The following KATNAL2 variants were observed in gnomAD, a reference collection of about 807,000 sequenced individuals.
The protein encoded by KATNAL2 is katanin p60 ATPase-containing subunit A-like 2.
KATNAL2 carries 52 observed loss-of-function variants against 76.3 expected under a neutral mutation model. That is an observed-to-expected ratio of 0.68 (90% CI 0.55 to 0.86). KATNAL2 has a LOEUF of 0.86. Ranked by LOEUF, KATNAL2 falls within the 40% of genes least tolerant of loss-of-function variation. The pLI, the probability that KATNAL2 is intolerant of heterozygous loss-of-function variation, is 0.00. For missense variants in KATNAL2, 660 were observed against 668.9 expected, an observed-to-expected ratio of 0.99 and a Z score of 0.15; for synonymous variants, 243 against 244.2, an observed-to-expected ratio of 1.00 and a Z score of 0.05.
chr18:47,079,004 G>A (rs1052755262), intron 15 of KATNAL2, among the ~76,000 whole-genome samples: 1 of 152,012 alleles, frequency 6.6e-6, no homozygotes, highest in East Asian at 1.9e-4. Flanking sequence ...GTTTTATTAT[G>A]AAAAATTCCC....
intron 15 of KATNAL2, among the ~76,000 whole-genome samples, chr18:47,095,271 C>A (rs561250774): frequency 1.3e-5 from 2 of 152,322 alleles, no homozygotes; most frequent in South Asian, 4.1e-4. Flanking sequence ...AGTTCATCAA[C>A]AATGAAGTGT....
intron 3 of KATNAL2, chr18:47,035,314 T>A (rs1327130642): frequency 6.2e-7 from 1 of 1,610,156 alleles, no homozygotes; most frequent in Non-Finnish European, 8.5e-7. Context: ...CAGCTCTGTC[T>A]TTGGGGCTGC....
At chr18:47,031,362 G>T (rs929280406) in intron 3 of KATNAL2, among the ~76,000 whole-genome samples, 1 of 151,688 alleles carries the variant, frequency 6.6e-6, no homozygotes, top group African/African-American at 2.4e-5. Flanking sequence ...TTCTGCTGTC[G>T]TTGGCAGTTT....
chr18:46,952,658 T>C (rs1447503365), intron 3 of KATNAL2, among the ~76,000 whole-genome samples: 1 of 151,960 alleles, frequency 6.6e-6, no homozygotes, highest in Non-Finnish European at 1.5e-5. Context: ...CTCGGCCTTC[T>C]GAAGTGTTGG....
intron 3 of KATNAL2, among the ~76,000 whole-genome samples, chr18:46,959,260 C>T (rs1040466418): frequency 6.6e-5 from 10 of 152,296 alleles, no homozygotes; most frequent in Admixed American, 3.3e-4. Context: ...ATAACTCTTA[C>T]GTTTTAAGTG....
intron 3 of KATNAL2, among the ~76,000 whole-genome samples, chr18:46,954,499 T>G (rs564295833): frequency 3.0e-4 from 45 of 150,838 alleles, no homozygotes; most frequent in Non-Finnish European, 5.9e-4. Context: ...CCAAGCTAAT[T>G]TTTCTATTTT....
chr18:47,060,895 T>C (rs867116192), intron 8 of KATNAL2, among the ~76,000 whole-genome samples: 20 of 152,360 alleles, frequency 1.3e-4, no homozygotes, highest in Middle Eastern at 3.4e-3. Flanking sequence ...TTCAGTCACC[T>C]TTGCCTAGCT....
chr18:46,952,678 C>G (rs544902530), intron 3 of KATNAL2, among the ~76,000 whole-genome samples: 2 of 151,998 alleles, frequency 1.3e-5, no homozygotes, highest in African/African-American at 2.4e-5. Flanking sequence ...GGATTACAGG[C>G]GTGAGCCACT....
At chr18:47,090,705 CT>C (rs1176966196) in intron 15 of KATNAL2, among the ~76,000 whole-genome samples, 3 of 152,174 alleles carry the variant, frequency 2.0e-5, no homozygotes, top group African/African-American at 7.2e-5. Context: ...CATGACTCGA[CT>C]TTTGATAGAC....
intron 3 of KATNAL2, among the ~76,000 whole-genome samples, chr18:47,032,309 T>C (rs536129713): frequency 7.9e-4 from 121 of 152,360 alleles, no homozygotes; most frequent in Admixed American, 2.7e-3. Flanking sequence ...TGCAGTGGAA[T>C]GATGAAGGGT....
chr18:46,936,315 G>T (rs2059089514), intron 1 of KATNAL2, among the ~76,000 whole-genome samples: 1 of 152,198 alleles, frequency 6.6e-6, no homozygotes, highest in South Asian at 2.1e-4. Flanking sequence ...AATAGAGCAA[G>T]TGCCCATAAA....
intron 6 of KATNAL2, among the ~76,000 whole-genome samples, chr18:47,056,819 C>T (rs1235700820): frequency 3.1e-5 from 4 of 131,108 alleles, no homozygotes; most frequent in Non-Finnish European, 5.0e-5. Flanking sequence ...CACACACACA[C>T]AAACACATAA....
intron 6 of KATNAL2, among the ~76,000 whole-genome samples, chr18:47,056,750 T>C (rs889462297): frequency 3.9e-5 from 6 of 152,154 alleles, no homozygotes; most frequent in Non-Finnish European, 8.8e-5. Context: ...AGTGGGAATA[T>C]AGAATCCCTG....
intron 3 of KATNAL2, among the ~76,000 whole-genome samples, chr18:46,961,801 A>G (rs1317206913): frequency 6.6e-6 from 1 of 152,044 alleles, no homozygotes; most frequent in Non-Finnish European, 1.5e-5. Flanking sequence ...GGCATTTTTG[A>G]TTTGGGCTTT....
At chr18:47,091,551 C>T (rs555313260) in intron 15 of KATNAL2, among the ~76,000 whole-genome samples, 1 of 152,138 alleles carries the variant, frequency 6.6e-6, no homozygotes. Flanking sequence ...TTCCACTTGT[C>T]CTTCGTTTCC....
chr18:46,939,211 G>A (rs376669496), intron 1 of KATNAL2, among the ~76,000 whole-genome samples: 6 of 152,120 alleles, frequency 3.9e-5, no homozygotes, highest in Admixed American at 6.5e-5. Flanking sequence ...GTGGTGGCAC[G>A]CACCTGCAGT....
chr18:47,059,261 C>G (rs1265892333), intron 7 of KATNAL2, among the ~76,000 whole-genome samples: 3 of 152,132 alleles, frequency 2.0e-5, no homozygotes, highest in Non-Finnish European at 2.9e-5. Context: ...AAAAGACGAG[C>G]CAGCGAATGG....
At chr18:47,034,353 G>C (rs779106552) in intron 3 of KATNAL2, 7 of 1,613,772 alleles carry the variant, frequency 4.3e-6, no homozygotes, top group East Asian at 2.2e-5. Flanking sequence ...GCCTCTTCTG[G>C]TGACTGTCTG....
chr18:47,046,199 G>A (rs1218347946), intron 3 of KATNAL2, among the ~76,000 whole-genome samples: 1 of 152,088 alleles, frequency 6.6e-6, no homozygotes, highest in East Asian at 1.9e-4. Flanking sequence ...CGATTGGCTC[G>A]GCAGGAAGAA....
Sources: allele counts gnomAD v4.1 joint callset (sites outside exome capture counted in the v4.1 genomes callset), GRCh38; gene constraint gnomAD v4.1.1; transcripts MANE v1.5; gene names NCBI Gene and HGNC (gene_info 2026-07-23, HGNC 2026-07-21).